CPNE4: variants seen among roughly 807,000 people sequenced by gnomAD.
CPNE4 encodes the protein copine-4.
Under a neutral mutation model 67.9 loss-of-function variants are expected in CPNE4, and 25 were observed. The observed-to-expected ratio is 0.37, with a 90% CI of 0.27 to 0.51. The LOEUF (loss-of-function observed/expected upper bound fraction) is 0.51, where lower values mean the gene tolerates loss of function less well. Ranked by LOEUF, CPNE4 falls within the 20% of genes least tolerant of loss-of-function variation. CPNE4 has a pLI of 0.93. For synonymous variants in CPNE4, 242 were observed against 244.9 expected (o/e 0.99, Z 0.11); for missense variants, 464 against 690.8 (o/e 0.67, Z 3.68).
At chr3:131,709,328 G>C (rs2081502347) in intron 3 of CPNE4, among the ~76,000 whole-genome samples, 1 of 152,136 alleles carries the variant, frequency 6.6e-6, no homozygotes, top group Non-Finnish European at 1.5e-5. Context: ...TGGGTGTCCG[G>C]AGGAAGAGCC....
chr3:131,697,143 A>G lies in CPNE4; in HGVS notation c.433-527T>C, dbSNP rs1462598547. Among the ~76,000 whole-genome samples, 8 of 152,266 alleles carry G rather than the reference A, an allele frequency of 5.3e-5. No individual in the cohort carries two copies. The East Asian group carries it at 1.2e-3, about 22-fold the overall frequency. On this transcript the variant is annotated intron_variant, in intron 4 of 15. Coordinates refer to ENST00000429747, the MANE Select transcript of CPNE4 (RefSeq NM_130808.3). ...CGTAAGGATTTAAGCCCTAACACCCAAGTACAGACCATTCCTGACAAAGAT... is the reference window on the plus strand; with the variant it reads ...CGTAAGGATTTAAGCCCTAACACCCGAGTACAGACCATTCCTGACAAAGAT...
At chr3:131,978,122 AT>A (rs1160655380) in intron 1 of CPNE4, among the ~76,000 whole-genome samples, 1 of 77,266 alleles carries the variant, frequency 1.3e-5, no homozygotes, top group African/African-American at 5.2e-5. Context: ...ATATATATAA[AT>A]ATATATATTT....
chr3:131,803,628 G>A (rs2084209799), intron 2 of CPNE4, among the ~76,000 whole-genome samples: 1 of 152,170 alleles, frequency 6.6e-6, no homozygotes, highest in Non-Finnish European at 1.5e-5. Flanking sequence ...TTTGTGCCAG[G>A]CACTGTTCTA....
chr3:131,885,441 G>A (rs943656923), intron 2 of CPNE4, among the ~76,000 whole-genome samples: 6 of 151,684 alleles, frequency 4.0e-5, no homozygotes, highest in Non-Finnish European at 2.9e-5. Context: ...ACCCATGCAA[G>A]TATTATTTGA....
At chr3:131,779,381 CCTAAGCAAAAAGAACA>C (rs2083376307) in intron 2 of CPNE4, among the ~76,000 whole-genome samples, 1 of 151,956 alleles carries the variant, frequency 6.6e-6, no homozygotes, top group Non-Finnish European at 1.5e-5. Flanking sequence ...CCAAATCAAT[CCTAAGCAAAAAGAACA>C]AAACTGGAGG....
intron 7 of CPNE4, among the ~76,000 whole-genome samples, chr3:131,667,327 T>C (rs1240107542): frequency 6.6e-6 from 1 of 152,224 alleles, no homozygotes; most frequent in Non-Finnish European, 1.5e-5. Flanking sequence ...GTGACTCTAA[T>C]GTATAATAAG....
At chr3:131,927,899 T>G (rs1212017146) in intron 1 of CPNE4, among the ~76,000 whole-genome samples, 3 of 152,190 alleles carry the variant, frequency 2.0e-5, no homozygotes, top group African/African-American at 7.2e-5. Flanking sequence ...GTTTTGATAT[T>G]TTTTCTATTT....
At chr3:131,723,683 C>G (rs954850480) in intron 2 of CPNE4, 58 bp from the exon 3 acceptor site, 1 of 1,451,766 alleles carries the variant, frequency 6.9e-7, no homozygotes, top group South Asian at 1.3e-5. Context: ...TATTACCGTT[C>G]AAGAAAATTC....
At chr3:131,815,555 T>C (rs1418480670) in intron 2 of CPNE4, among the ~76,000 whole-genome samples, 1 of 152,202 alleles carries the variant, frequency 6.6e-6, no homozygotes, top group Non-Finnish European at 1.5e-5. Context: ...TATTCCAGTA[T>C]GGGAAGATTC....
At chr3:131,745,363 G>T (rs2107787326) in intron 2 of CPNE4, among the ~76,000 whole-genome samples, 1 of 152,186 alleles carries the variant, frequency 6.6e-6, no homozygotes, top group South Asian at 2.1e-4. Context: ...CTGATAGGCT[G>T]TAGTTTGTCT....
At chr3:132,035,975 C>A (rs1366838183), upstream of CPNE4, among the ~76,000 whole-genome samples, 1 of 152,136 alleles carries the variant, frequency 6.6e-6, no homozygotes, top group East Asian at 1.9e-4. Context: ...TAGCCAAAAT[C>A]TTTTCACTAA....
chr3:131,984,534 C>T (rs2072995226), intron 1 of CPNE4, among the ~76,000 whole-genome samples: 1 of 152,172 alleles, frequency 6.6e-6, no homozygotes, highest in African/African-American at 2.4e-5. Flanking sequence ...GGCATGAAAA[C>T]CCTCCCATAT....
chr3:131,951,707 C>T (rs938780262), intron 1 of CPNE4, among the ~76,000 whole-genome samples: 15 of 152,242 alleles, frequency 9.9e-5, no homozygotes, highest in East Asian at 5.8e-4. Context: ...CGACTGCAAG[C>T]GCGTGCCGCC....
At chr3:131,659,299 A>G (rs997856466) in intron 7 of CPNE4, among the ~76,000 whole-genome samples, 1 of 137,756 alleles carries the variant, frequency 7.3e-6, no homozygotes. Context: ...CCTTCCCTTC[A>G]TCATTAAGCA....
At chr3:132,037,191 TA>T (rs1337757639), upstream of CPNE4, among the ~76,000 whole-genome samples, 2 of 152,216 alleles carry the variant, frequency 1.3e-5, no homozygotes, top group East Asian at 3.8e-4. Context: ...ATACACAAAC[TA>T]AACACAATGC....
intron 14 of CPNE4, among the ~76,000 whole-genome samples, chr3:131,547,358 G>A (rs1447407759): frequency 2.0e-5 from 3 of 150,836 alleles, no homozygotes; most frequent in African/African-American, 7.3e-5. Flanking sequence ...GGGAGGCTGG[G>A]GCCAGAGGAA....
At chr3:131,748,883 G>A (rs1438064896) in intron 2 of CPNE4, among the ~76,000 whole-genome samples, 1 of 119,138 alleles carries the variant, frequency 8.4e-6, no homozygotes, top group Non-Finnish European at 1.8e-5. Context: ...TACAGGATTT[G>A]CCAATTTTAT....
chr3:131,720,755 C>A (rs1006041876), intron 3 of CPNE4, among the ~76,000 whole-genome samples: 1 of 152,190 alleles, frequency 6.6e-6, no homozygotes, highest in Non-Finnish European at 1.5e-5. Context: ...TGACCACTTT[C>A]CCTTGTAGGC....
intron 7 of CPNE4, among the ~76,000 whole-genome samples, chr3:131,614,001 T>C (rs1939999428): frequency 6.6e-6 from 1 of 152,222 alleles, no homozygotes; most frequent in Non-Finnish European, 1.5e-5. Context: ...GTGGCTGGCC[T>C]GGCACTTGTT....
Sources: allele counts gnomAD v4.1 joint callset (sites outside exome capture counted in the v4.1 genomes callset), GRCh38; gene constraint gnomAD v4.1.1; transcripts MANE v1.5; gene names NCBI Gene and HGNC (gene_info 2026-07-23, HGNC 2026-07-21).